MPPED1: variants seen among roughly 807,000 people sequenced by gnomAD.
The protein encoded by MPPED1 is metallophosphoesterase domain containing 1.
A neutral mutation model predicts 36.2 loss-of-function variants in MPPED1; 16 were observed. The ratio of observed to expected loss-of-function variants is 0.44; its 90% CI spans 0.30 to 0.67. The LOEUF (loss-of-function observed/expected upper bound fraction) is 0.67. MPPED1 is among the 30% of genes least tolerant of loss of function. The probability of loss-of-function intolerance (pLI) is 0.10; values close to 1 mark genes in which losing one functional copy is unlikely to be tolerated. For missense variants in MPPED1, 307 were observed against 453.4 expected (o/e 0.68, Z 2.93); for synonymous variants, 199 against 191.3 (o/e 1.04, Z -0.33).
At position 43,432,062 on chromosome 22, in the gene MPPED1, G is replaced by A. The variant is rs552003160; in HGVS notation, c.225-2972G>A. 6.6e-5 allele frequency among the ~76,000 whole-genome samples: 10 copies of A among 152,316 alleles called. No homozygotes were observed. The East Asian group carries it at 7.7e-4, about 12-fold the overall frequency. On this transcript the variant is annotated intron_variant, in intron 2 of 6. Coordinates refer to ENST00000443721, the MANE Select transcript of MPPED1 (RefSeq NM_001044370.2). ...CCCTCTTAGGGCTCCTCTGCTAGGCGGGGCTCCCAGAGGGTAGACTGTCGG... is the reference window on the plus strand; with the variant it reads ...CCCTCTTAGGGCTCCTCTGCTAGGCAGGGCTCCCAGAGGGTAGACTGTCGG...
chr22:43,422,790 G>A (rs935998052), intron 1 of MPPED1, among the ~76,000 whole-genome samples: 4 of 152,162 alleles, frequency 2.6e-5, no homozygotes, highest in Non-Finnish European at 5.9e-5. Context: ...CAGGATTCCT[G>A]CTTACTTCTT....
At chr22:43,477,739 C>T (rs2146889300) in intron 4 of MPPED1, among the ~76,000 whole-genome samples, 1 of 152,352 alleles carries the variant, frequency 6.6e-6, no homozygotes, top group South Asian at 2.1e-4. Context: ...GGTGAACCCT[C>T]CCTGCAGCCA....
chr22:43,455,141 A>G (rs1036381357), intron 3 of MPPED1, among the ~76,000 whole-genome samples: 2 of 104,220 alleles, frequency 1.9e-5, no homozygotes, highest in South Asian at 6.3e-4. Context: ...ACGAAGTCTT[A>G]CTCTGTCACC....
chr22:43,460,552 G>A (rs1930922713), intron 3 of MPPED1, among the ~76,000 whole-genome samples: 1 of 152,040 alleles, frequency 6.6e-6, no homozygotes, highest in East Asian at 1.9e-4. Context: ...CCCACCCCCT[G>A]CACCAAGGTT....
Position 43,436,223 on chromosome 22 carries a change from T to A in MPPED1, c.406+1008T>A, listed in dbSNP as rs576521340. Reference sequence around the variant, plus strand: ...TCTGTCCCCACCCGGGGAAGACAGATGGATGGCCCCTGTGCAGCCCAGCAC... The same window carrying A: ...TCTGTCCCCACCCGGGGAAGACAGAAGGATGGCCCCTGTGCAGCCCAGCAC... On this transcript the variant is annotated intron_variant, in intron 3 of 6. Transcript: ENST00000443721. Among the ~76,000 whole-genome samples, 102 of 152,320 alleles carry A rather than the reference T, an allele frequency of 6.7e-4. No individual in the cohort carries two copies. The South Asian group carries it at 7.2e-3, about 11-fold the overall frequency.
intron 5 of MPPED1, among the ~76,000 whole-genome samples, chr22:43,500,375 G>A (rs1360813228): frequency 1.3e-5 from 2 of 151,276 alleles, no homozygotes. Context: ...TGATGGGGGT[G>A]GTGGTGGTGA....
intron 2 of MPPED1, among the ~76,000 whole-genome samples, chr22:43,434,426 G>T (rs936442240): frequency 6.6e-5 from 10 of 152,274 alleles, no homozygotes; most frequent in African/African-American, 2.4e-4. Context: ...TGCACAGCCC[G>T]GGCAGTTGTC....
At chr22:43,471,784 C>CT in intron 3 of MPPED1, among the ~76,000 whole-genome samples, 1 of 152,318 alleles carries the variant, frequency 6.6e-6, no homozygotes, top group Non-Finnish European at 1.5e-5. Flanking sequence ...AGGGACAGAG[C>CT]TGGGGGAAGC....
chr22:43,421,934 C>G (rs1369770508), intron 1 of MPPED1, among the ~76,000 whole-genome samples: 1 of 152,210 alleles, frequency 6.6e-6, no homozygotes, highest in Non-Finnish European at 1.5e-5. Context: ...GTTTTTCTTT[C>G]CATTTTGTAG....
chr22:43,490,043 G>A (rs969232798), intron 4 of MPPED1, among the ~76,000 whole-genome samples: 2 of 152,230 alleles, frequency 1.3e-5, no homozygotes, highest in African/African-American at 4.8e-5. Context: ...GGAGGAAACC[G>A]AGGCTGGAAG....
chr22:43,412,470 G>A (rs1237028920), intron 1 of MPPED1, among the ~76,000 whole-genome samples: 1 of 152,144 alleles, frequency 6.6e-6, no homozygotes, highest in Non-Finnish European at 1.5e-5. Flanking sequence ...TGGAAGCAGC[G>A]GGCTGGTGGA....
In MPPED1 at chr22:43,412,177, G is replaced by GGGGCGCGGCGGGCGCGGGCGGGAGGCC. The variant is rs1928923878; in HGVS notation, c.-79+28_-79+54dup. On this transcript the variant is annotated intron_variant, in intron 1 of 6. Transcript: ENST00000443721. ...GGGCCAGGTAGGACCGGAGGCGGGCGGGGCGCGGCGGGCGCGGGCGGGAGG... is the reference window on the plus strand; with the variant it reads ...GGGCCAGGTAGGACCGGAGGCGGGCGGGGCGCGGCGGGCGCGGGCGGGAGGCCGGGCGCGGCGGGCGCGGGCGGGAGG... 1.0e-6 allele frequency: 1 copy of GGGGCGCGGCGGGCGCGGGCGGGAGGCC among 978,618 alleles called. No individual in the cohort carries two copies. 60.6% of individuals were successfully genotyped at this position (978,618 alleles called of 1,614,324 possible).
intron 3 of MPPED1, among the ~76,000 whole-genome samples, chr22:43,473,439 G>A (rs1168602520): frequency 6.6e-6 from 1 of 152,216 alleles, no homozygotes; most frequent in Non-Finnish European, 1.5e-5. Context: ...CCATTTTCCT[G>A]TCTGGGTCCC....
At chr22:43,430,664 TAAG>T (rs924509080) in intron 2 of MPPED1, among the ~76,000 whole-genome samples, 22 of 152,160 alleles carry the variant, frequency 1.4e-4, no homozygotes, top group African/African-American at 5.1e-4. Flanking sequence ...CTCCAAGAAA[TAAG>T]AAGCCTTTGC....
At chr22:43,473,369 G>A (rs73167975) in intron 3 of MPPED1, among the ~76,000 whole-genome samples, 6,034 of 152,284 alleles carry the variant, frequency 0.04, 139 homozygotes, top group South Asian at 0.07. Context: ...GGGATGCCTC[G>A]CGAGGTGTCG....
chr22:43,437,322 T>C (rs570165704), intron 3 of MPPED1, among the ~76,000 whole-genome samples: 12 of 152,184 alleles, frequency 7.9e-5, no homozygotes, highest in Middle Eastern at 3.2e-3. Flanking sequence ...TGCTGGGTGC[T>C]GTTCTATACC....
intron 3 of MPPED1, among the ~76,000 whole-genome samples, chr22:43,472,402 C>T (rs184799518): frequency 5.3e-5 from 8 of 152,276 alleles, no homozygotes; most frequent in African/African-American, 1.9e-4. Context: ...AACAGTCCTG[C>T]AAGGTCGCTG....
chr22:43,464,053 C>T (rs1204887077), intron 3 of MPPED1, among the ~76,000 whole-genome samples: 11 of 151,684 alleles, frequency 7.3e-5, no homozygotes, highest in African/African-American at 1.7e-4. Context: ...GGTTTATAGG[C>T]GCCCGCCACC....
At chr22:43,438,106 C>A (rs1331480665) in intron 3 of MPPED1, among the ~76,000 whole-genome samples, 2 of 152,168 alleles carry the variant, frequency 1.3e-5, no homozygotes, top group Admixed American at 1.3e-4. Context: ...GCCCTGAGCA[C>A]ACAGGGCCCC....
Sources: allele counts gnomAD v4.1 joint callset (sites outside exome capture counted in the v4.1 genomes callset), GRCh38; gene constraint gnomAD v4.1.1; transcripts MANE v1.5; gene names NCBI Gene and HGNC (gene_info 2026-07-23, HGNC 2026-07-21).